Variants in ADAM23 observed in about 807,000 individuals in gnomAD.
ADAM23 encodes disintegrin and metalloproteinase domain-containing protein 23.
Under a neutral mutation model 120.1 loss-of-function variants are expected in ADAM23, and 33 were observed. The ratio of observed to expected loss-of-function variants is 0.27; its 90% CI spans 0.21 to 0.37. ADAM23 has a LOEUF of 0.37. ADAM23 is among the 10% of genes least tolerant of loss of function. ADAM23 has a pLI of 1.00. For missense variants in ADAM23, 862 were observed against 1,058.2 expected (o/e 0.81, Z 2.57); for synonymous variants, 367 against 375.2 (o/e 0.98, Z 0.25).
intron 2 of ADAM23, among the ~76,000 whole-genome samples, chr2:206,477,898 AT>A (rs1293404987): frequency 0.024 from 2,093 of 86,362 alleles, 20 homozygotes; most frequent in East Asian, 0.061. Context: ...AAAAAAAAAA[AT>A]ATATATATAT....
chr2:206,555,189 T>C (rs1395699636), intron 9 of ADAM23, among the ~76,000 whole-genome samples: 1 of 152,172 alleles, frequency 6.6e-6, no homozygotes, highest in Non-Finnish European at 1.5e-5. Flanking sequence ...GCCTATTTGA[T>C]ATCTCTATTT....
intron 18 of ADAM23, among the ~76,000 whole-genome samples, chr2:206,576,480 T>A (rs1473920160): frequency 6.6e-6 from 1 of 152,108 alleles, no homozygotes; most frequent in Admixed American, 6.6e-5. Flanking sequence ...AATTTCTCAG[T>A]ACATATTAGA....
At chr2:206,542,164 C>T (rs1406487718) in intron 5 of ADAM23, 30 bp downstream of exon 5, 5 of 1,598,078 alleles carry the variant, frequency 3.1e-6, no homozygotes, top group Non-Finnish European at 4.3e-6. Context: ...GCATTTTATT[C>T]ATTGACCCTT....
chr2:206,505,522 C>T (rs145934098), intron 3 of ADAM23, among the ~76,000 whole-genome samples: 4 of 152,044 alleles, frequency 2.6e-5, no homozygotes, highest in South Asian at 2.1e-4. Flanking sequence ...ACAGTCATAG[C>T]GGAAGGTGAG....
In ADAM23 at chr2:206,507,233, C is replaced by T. The variant is rs550154803; in HGVS notation, c.510-23652C>T. ...ATATGGTTTGGATCTGTGGCCCCAC[C>T]GAATGTCATGTCGAATTGTAATCCC... On this transcript the variant is annotated intron_variant, in intron 3 of 25. Coordinates refer to ENST00000264377, the MANE Select transcript of ADAM23 (RefSeq NM_003812.4). Among the ~76,000 whole-genome samples, 13 of 152,184 alleles carry T rather than the reference C, an allele frequency of 8.5e-5. 1 individual carries two copies. In the South Asian group the frequency reaches 2.1e-3, roughly 24 times the overall value.
chr2:206,520,804 C>G (rs1035363869), intron 3 of ADAM23, among the ~76,000 whole-genome samples: 1 of 152,076 alleles, frequency 6.6e-6, no homozygotes, highest in African/African-American at 2.4e-5. Flanking sequence ...GTTCTGAGTT[C>G]TGGTTCTAGA....
chr2:206,600,911 A>T (rs979380803), intron 24 of ADAM23, among the ~76,000 whole-genome samples: 1 of 152,230 alleles, frequency 6.6e-6, no homozygotes, highest in African/African-American at 2.4e-5. Context: ...TTCATTTCAC[A>T]TGCAAAAACC....
At chr2:206,453,712 C>T (rs968384594) in intron 2 of ADAM23, among the ~76,000 whole-genome samples, 1 of 152,164 alleles carries the variant, frequency 6.6e-6, no homozygotes, top group African/African-American at 2.4e-5. Flanking sequence ...AATTCATGGC[C>T]AGTTTGAATA....
chr2:206,505,931 C>T (rs952671940), intron 3 of ADAM23, among the ~76,000 whole-genome samples: 1 of 152,162 alleles, frequency 6.6e-6, no homozygotes, highest in Non-Finnish European at 1.5e-5. Flanking sequence ...AGATTTTCAC[C>T]AGGCTTTCTC....
At chr2:206,569,875 A>G (rs1490871650) in intron 15 of ADAM23, among the ~76,000 whole-genome samples, 2 of 152,158 alleles carry the variant, frequency 1.3e-5, no homozygotes, top group African/African-American at 4.8e-5. Flanking sequence ...AGGTGTGTTC[A>G]GCTGCTGGAG....
At chr2:206,587,572 G>T (rs1329211704) in intron 19 of ADAM23, among the ~76,000 whole-genome samples, 197 bp downstream of exon 19, 1 of 124,446 alleles carries the variant, frequency 8.0e-6, no homozygotes, top group African/African-American at 2.7e-5. Flanking sequence ...AAATTGTCCA[G>T]ATTAAGAGAA....
intron 1 of ADAM23, 117 bp from the exon 2 acceptor site, chr2:206,445,190 T>G (rs928674886): frequency 1.5e-5 from 11 of 737,714 alleles, no homozygotes; most frequent in Non-Finnish European, 2.5e-5. Context: ...AATAGAAAAC[T>G]TTGTGTTTGA....
At chr2:206,502,883 C>T (rs1303033056) in intron 3 of ADAM23, among the ~76,000 whole-genome samples, 2 of 152,108 alleles carry the variant, frequency 1.3e-5, no homozygotes, top group South Asian at 2.1e-4. Flanking sequence ...TATATCTAAC[C>T]GTGGTAGAGT....
chr2:206,544,107 A>C (rs1697347920), intron 6 of ADAM23, among the ~76,000 whole-genome samples: 1 of 152,200 alleles, frequency 6.6e-6, no homozygotes, highest in Admixed American at 6.5e-5. Flanking sequence ...CCTGTTCCCC[A>C]AAAACCTATT....
intron 15 of ADAM23, among the ~76,000 whole-genome samples, chr2:206,568,274 A>G (rs2105828418): frequency 6.6e-6 from 1 of 152,278 alleles, no homozygotes; most frequent in Middle Eastern, 3.4e-3. Flanking sequence ...CACATTGTCA[A>G]TTGGCATCTC....
intron 3 of ADAM23, among the ~76,000 whole-genome samples, chr2:206,489,880 A>T (rs529150549): frequency 6.6e-6 from 1 of 152,318 alleles, no homozygotes; most frequent in African/African-American, 2.4e-5. Context: ...TCAATTTGTA[A>T]CTATATGAGG....
chr2:206,599,944 G>A (rs931110135), intron 24 of ADAM23, among the ~76,000 whole-genome samples: 1 of 152,236 alleles, frequency 6.6e-6, no homozygotes, highest in Non-Finnish European at 1.5e-5. Flanking sequence ...GCTCACGCCT[G>A]TAATCCCAGC....
At chr2:206,553,286 A>T (rs1032185604) in intron 9 of ADAM23, among the ~76,000 whole-genome samples, 1 of 152,108 alleles carries the variant, frequency 6.6e-6, no homozygotes, top group Non-Finnish European at 1.5e-5. Flanking sequence ...AAATTAAAAA[A>T]TTAGCCGGAG....
chr2:206,503,459 A>G (rs887065261), intron 3 of ADAM23, among the ~76,000 whole-genome samples: 1 of 152,174 alleles, frequency 6.6e-6, no homozygotes, highest in African/African-American at 2.4e-5. Flanking sequence ...CAATGTTTGT[A>G]TAATGAGTGA....
Sources: allele counts gnomAD v4.1 joint callset (sites outside exome capture counted in the v4.1 genomes callset), GRCh38; gene constraint gnomAD v4.1.1; transcripts MANE v1.5; gene names NCBI Gene and HGNC (gene_info 2026-07-23, HGNC 2026-07-21).